MAST4: variants seen among roughly 807,000 people sequenced by gnomAD.
The protein encoded by MAST4 is microtubule associated serine/threonine kinase family member 4.
Under a neutral mutation model 162.7 loss-of-function variants are expected in MAST4, and 89 were observed. The observed-to-expected ratio is 0.55, with a 90% CI of 0.46 to 0.65. MAST4 has a LOEUF of 0.65. MAST4 is among the 30% of genes least tolerant of loss of function. The probability of loss-of-function intolerance (pLI) is 0.00; values close to 1 mark genes in which losing one functional copy is unlikely to be tolerated. For synonymous variants in MAST4, 1,479 were observed against 1,361.1 expected (o/e 1.09, Z -1.91); for missense variants, 3,153 against 3,374.0 (o/e 0.93, Z 1.62).
chr5:66,947,663 CT>C (rs1243654148), intron 4 of MAST4, among the ~76,000 whole-genome samples: 1 of 152,180 alleles, frequency 6.6e-6, no homozygotes, highest in Non-Finnish European at 1.5e-5. Context: ...CTCCTCCGAC[CT>C]GCAAAGCATT....
chr5:67,130,958 A>G lies in MAST4; in HGVS notation c.1954+540A>G, dbSNP rs192684716. 1.4e-4 allele frequency among the ~76,000 whole-genome samples: 22 copies of G among 152,192 alleles called. No homozygotes were observed. In the East Asian group the frequency reaches 4.2e-3, roughly 29 times the overall value. ...CCATCAATTTTATATTAAGTTTCTGAGTTCGAGTGACCATGACTTGTTGAC... is the reference window on the plus strand; with the variant it reads ...CCATCAATTTTATATTAAGTTTCTGGGTTCGAGTGACCATGACTTGTTGAC... On this transcript the variant is annotated intron_variant, in intron 15 of 28. Transcript: ENST00000403625.
chr5:67,029,367 T>C (rs1242357575), intron 4 of MAST4, among the ~76,000 whole-genome samples: 2 of 152,170 alleles, frequency 1.3e-5, no homozygotes, highest in African/African-American at 2.4e-5. Context: ...GCCATCCTTA[T>C]ACTTATGTTT....
At chr5:66,856,626 C>T (rs1243600161) in intron 3 of MAST4, among the ~76,000 whole-genome samples, 1 of 152,222 alleles carries the variant, frequency 6.6e-6, no homozygotes, top group Non-Finnish European at 1.5e-5. Flanking sequence ...TTGCCTTTAT[C>T]AGGAAGACAC....
intron 1 of MAST4, among the ~76,000 whole-genome samples, chr5:66,736,005 A>G (rs1285636964): frequency 2.0e-5 from 3 of 152,224 alleles, no homozygotes; most frequent in Admixed American, 2.0e-4. Context: ...ATCTTAGAGC[A>G]AATAGCTGTG....
chr5:66,752,894 G>C (rs258273), intron 1 of MAST4, among the ~76,000 whole-genome samples: 17,067 of 151,666 alleles, frequency 0.11, 1,048 homozygotes, highest in East Asian at 0.27. Context: ...TGACCACATA[G>C]TTGGAAGTAA....
At chr5:67,034,877 A>G (rs1009530673) in intron 4 of MAST4, among the ~76,000 whole-genome samples, 3 of 152,166 alleles carry the variant, frequency 2.0e-5, no homozygotes, top group African/African-American at 7.2e-5. Context: ...TTCTAAAATG[A>G]TAGTATCTTC....
intron 3 of MAST4, among the ~76,000 whole-genome samples, chr5:66,828,420 G>T (rs867364557): frequency 6.6e-6 from 1 of 152,146 alleles, no homozygotes; most frequent in Non-Finnish European, 1.5e-5. Flanking sequence ...CTTTTACAGA[G>T]GTGTCTGTCA....
intron 4 of MAST4, among the ~76,000 whole-genome samples, chr5:66,912,432 C>T (rs1192921315): frequency 2.0e-5 from 3 of 152,166 alleles, no homozygotes; most frequent in African/African-American, 7.2e-5. Flanking sequence ...AATAAATTAA[C>T]TTAAATGCTA....
chr5:66,739,723 G>A (rs1427871654), intron 1 of MAST4, among the ~76,000 whole-genome samples: 2 of 152,060 alleles, frequency 1.3e-5, no homozygotes, highest in East Asian at 1.9e-4. Context: ...AGCAGGCAGC[G>A]ACCTATTAAG....
chr5:66,610,898 A>G lies in MAST4; in HGVS notation c.363+13880A>G, dbSNP rs181294251. Among the ~76,000 whole-genome samples, 192 of 152,344 alleles carry G rather than the reference A, an allele frequency of 1.3e-3. 1 individual carries two copies. Among genetic ancestry groups the G allele is most frequent in the Admixed American group, 3.7e-3 (57 of 15,302 alleles). ...CATTGGATGCCCAAGACTCCTTCAC[A>G]AATGGGGGCAAATAATTTTAACACA... On this transcript the variant is annotated intron_variant, in intron 1 of 28. Coordinates refer to ENST00000403625, the MANE Select transcript of MAST4 (RefSeq NM_001164664.2).
chr5:66,656,505 C>T (rs1408600799), intron 1 of MAST4, among the ~76,000 whole-genome samples: 1 of 152,120 alleles, frequency 6.6e-6, no homozygotes, highest in African/African-American at 2.4e-5. Context: ...TCTCACCCAT[C>T]AGTCACAGGG....
chr5:66,772,339 A>G (rs1754396380), intron 2 of MAST4, among the ~76,000 whole-genome samples: 1 of 151,976 alleles, frequency 6.6e-6, no homozygotes, highest in Non-Finnish European at 1.5e-5. Flanking sequence ...TCATGTTTCA[A>G]TTTATGTTTT....
intron 3 of MAST4, among the ~76,000 whole-genome samples, chr5:66,887,709 T>C (rs1762126581): frequency 6.6e-6 from 1 of 152,208 alleles, no homozygotes; most frequent in Non-Finnish European, 1.5e-5. Context: ...GTGGTAAGGC[T>C]TACATGAAAT....
intron 1 of MAST4, among the ~76,000 whole-genome samples, chr5:66,692,598 G>C (rs926546918): frequency 6.6e-6 from 1 of 152,110 alleles, no homozygotes. Flanking sequence ...AAGCTAGTCT[G>C]TTACTTCTGC....
intron 4 of MAST4, among the ~76,000 whole-genome samples, chr5:67,053,958 A>ATAAGAAATT (rs1758487177): frequency 6.6e-6 from 1 of 152,256 alleles, no homozygotes; most frequent in Non-Finnish European, 1.5e-5. Context: ...AAAGGCACAA[A>ATAAGAAATT]TAAGAAATTT....
rs566441529 is a variant in MAST4 at position 66,989,080 on chromosome 5, T to C, written c.675-65324T>C. Among the ~76,000 whole-genome samples the C allele has an allele frequency of 2.0e-5, 3 of 152,300 alleles. No individual in the cohort carries two copies. The East Asian group carries it at 5.8e-4, about 29-fold the overall frequency. ...GGATTACTGAGATTTGAAGTGAAAA[T>C]ATAAAATACTTATATTTTAGAGGAA... On this transcript the variant is annotated intron_variant, in intron 4 of 28. Coordinates refer to ENST00000403625, the MANE Select transcript of MAST4 (RefSeq NM_001164664.2).
intron 21 of MAST4, among the ~76,000 whole-genome samples, chr5:67,143,825 C>T (rs908411261): frequency 1.6e-4 from 25 of 152,292 alleles, no homozygotes; most frequent in African/African-American, 4.1e-4. Context: ...ACACTGCTTC[C>T]TTCTTTGCCT....
At chr5:66,681,896 G>T (rs946008481) in intron 1 of MAST4, among the ~76,000 whole-genome samples, 1 of 152,158 alleles carries the variant, frequency 6.6e-6, no homozygotes, top group African/African-American at 2.4e-5. Context: ...GGTAGTTTTA[G>T]ATTCATAAAC....
At chr5:66,921,002 C>T (rs529364117) in intron 4 of MAST4, among the ~76,000 whole-genome samples, 3 of 152,124 alleles carry the variant, frequency 2.0e-5, no homozygotes, top group Non-Finnish European at 2.9e-5. Context: ...AAAATCACAG[C>T]GGCTGCAGTG....
Sources: allele counts gnomAD v4.1 joint callset (sites outside exome capture counted in the v4.1 genomes callset), GRCh38; gene constraint gnomAD v4.1.1; transcripts MANE v1.5; gene names NCBI Gene and HGNC (gene_info 2026-07-23, HGNC 2026-07-21).